Variants in VMP1 observed in about 807,000 individuals in gnomAD.
The protein encoded by VMP1 is ectopic P-granules autophagy protein 3 homolog.
VMP1 carries 11 observed loss-of-function variants against 56.0 expected under a neutral mutation model. The ratio of observed to expected loss-of-function variants is 0.20; its 90% CI spans 0.12 to 0.32. The LOEUF (loss-of-function observed/expected upper bound fraction) is 0.32, where lower values mean the gene tolerates loss of function less well. Ranked by LOEUF, VMP1 falls within the 10% of genes least tolerant of loss-of-function variation. The probability of loss-of-function intolerance (pLI) is 1.00; values close to 1 mark genes in which losing one functional copy is unlikely to be tolerated. For synonymous variants in VMP1, 149 were observed against 165.0 expected, an observed-to-expected ratio of 0.90 and a Z score of 0.74; for missense variants, 296 against 490.3, an observed-to-expected ratio of 0.60 and a Z score of 3.74.
At chr17:59,810,967 A>G (rs1341961343) in intron 8 of VMP1, among the ~76,000 whole-genome samples, 4 of 152,188 alleles carry the variant, frequency 2.6e-5, no homozygotes, top group African/African-American at 9.6e-5. Context: ...TGGGAAAGGT[A>G]TTTGTTGTGA....
intron 1 of VMP1, among the ~76,000 whole-genome samples, chr17:59,720,298 G>A (rs1472030629): frequency 2.6e-5 from 4 of 152,124 alleles, no homozygotes; most frequent in Admixed American, 2.6e-4. Context: ...TTAGCTATGT[G>A]GATAGACTAG....
chr17:59,770,013 T>G (rs1430536985), intron 6 of VMP1, among the ~76,000 whole-genome samples: 2 of 152,150 alleles, frequency 1.3e-5, no homozygotes, highest in African/African-American at 4.8e-5. Context: ...ATTTGCATAA[T>G]AAGAGAGTAC....
Position 59,788,131 on chromosome 17 carries a change from G to A in VMP1, c.714+14246G>A, listed in dbSNP as rs116791807. On this transcript the variant is annotated intron_variant, in intron 7 of 11. Coordinates refer to ENST00000262291, the MANE Select transcript of VMP1 (RefSeq NM_030938.5). Reference sequence around the variant, plus strand: ...CGAGGTTAATGCAGTCCAGTCATTAGCAGGGAAAAAAAGAATAAATATTTA... The same window carrying A: ...CGAGGTTAATGCAGTCCAGTCATTAACAGGGAAAAAAAGAATAAATATTTA... 2.5e-3 allele frequency among the ~76,000 whole-genome samples: 383 copies of A among 152,250 alleles called. 1 individual carries two copies. The highest frequency in any genetic ancestry group is 8.9e-3 in the African/African-American group (368 of 41,534).
At chr17:59,723,443 T>C (rs1482987163) in intron 1 of VMP1, among the ~76,000 whole-genome samples, 2 of 151,562 alleles carry the variant, frequency 1.3e-5, no homozygotes, top group Non-Finnish European at 2.9e-5. Flanking sequence ...AAATAGGGAG[T>C]GGATACTTGT....
In VMP1 at chr17:59,773,842, A is replaced by G. The variant is rs1272635928; in HGVS notation, c.671A>G (p.Tyr224Cys). 4 of 1,613,846 alleles carry G rather than the reference A, an allele frequency of 2.5e-6. No individual in the cohort carries two copies. The highest frequency in any genetic ancestry group is 1.7e-4 in the Middle Eastern group (1 of 6,058). Residue 224 changes from tyrosine to cysteine, a missense_variant, in exon 7 of 12, where the codon TAT becomes TGT. Tyr to Cys is a radical substitution (Grantham distance 194). Coordinates refer to ENST00000262291, the MANE Select transcript of VMP1 (RefSeq NM_030938.5). ...GGTGCTGAACCAGATGATGAAGAGT[A>G]TCAGGAATTTGAAGAGATGCTGGAA... is the stretch of plus-strand genomic sequence containing the variant. Reference protein sequence around the residue: ...LSGAEPDDEEYQEFEEMLEHA... With the variant: ...LSGAEPDDEECQEFEEMLEHA...
intron 5 of VMP1, among the ~76,000 whole-genome samples, chr17:59,757,773 C>T (rs1322256348): frequency 6.7e-6 from 1 of 149,476 alleles, no homozygotes. Flanking sequence ...CAATATGTTG[C>T]AAATAACCAA....
chr17:59,763,228 A>G (rs1439529234), intron 5 of VMP1, among the ~76,000 whole-genome samples: 1 of 152,012 alleles, frequency 6.6e-6, no homozygotes, highest in Non-Finnish European at 1.5e-5. Context: ...GTTATTCTGA[A>G]TATCACAAAC....
intron 5 of VMP1, among the ~76,000 whole-genome samples, chr17:59,752,417 G>A (rs767501097): frequency 2.4e-4 from 36 of 152,202 alleles, no homozygotes; most frequent in African/African-American, 6.0e-4. Flanking sequence ...AAGGATTTTT[G>A]TATGACATCT....
At chr17:59,837,159 G>A (rs1457782432) in intron 10 of VMP1, among the ~76,000 whole-genome samples, 1 of 151,674 alleles carries the variant, frequency 6.6e-6, no homozygotes, top group Non-Finnish European at 1.5e-5. Flanking sequence ...GCCGAGATCA[G>A]GCCATTGCAC....
chr17:59,788,231 G>A (rs1031097753), intron 7 of VMP1, among the ~76,000 whole-genome samples: 2 of 152,150 alleles, frequency 1.3e-5, no homozygotes, highest in East Asian at 1.9e-4. Flanking sequence ...GCTCAGGCCT[G>A]TAATCCCAGC....
chr17:59,711,281 CTT>C (rs942078372), intron 1 of VMP1, among the ~76,000 whole-genome samples: 1 of 150,448 alleles, frequency 6.6e-6, no homozygotes, highest in Non-Finnish European at 1.5e-5. Flanking sequence ...GTTGGGTACT[CTT>C]TTTTTTTGGT....
intron 7 of VMP1, among the ~76,000 whole-genome samples, chr17:59,787,151 C>T (rs560616657): frequency 1.3e-5 from 2 of 152,296 alleles, no homozygotes; most frequent in Non-Finnish European, 1.5e-5. Context: ...AGGTCACTTA[C>T]TTGCACTTTG....
At chr17:59,808,970 T>A in intron 8 of VMP1, 94 bp downstream of exon 8, 1 of 1,015,686 alleles carries the variant, frequency 9.8e-7, no homozygotes, top group Non-Finnish European at 1.4e-6. Flanking sequence ...TGCTATCACT[T>A]TTATTGGGTA....
intron 10 of VMP1, among the ~76,000 whole-genome samples, chr17:59,828,891 G>A (rs1426254819): frequency 6.6e-6 from 1 of 152,174 alleles, no homozygotes; most frequent in Non-Finnish European, 1.5e-5. Flanking sequence ...CAAGGCAGGC[G>A]GATCACTTAA....
intron 6 of VMP1, among the ~76,000 whole-genome samples, chr17:59,768,688 A>T (rs1363975212): frequency 6.6e-6 from 1 of 151,878 alleles, no homozygotes; most frequent in African/African-American, 2.4e-5. Flanking sequence ...TACACCATAT[A>T]TAAGAATTAA....
chr17:59,820,652 G>A (rs779557261), intron 10 of VMP1, among the ~76,000 whole-genome samples: 1 of 152,186 alleles, frequency 6.6e-6, no homozygotes, highest in Non-Finnish European at 1.5e-5. Flanking sequence ...TATGTTTGTA[G>A]GAGTGTGTGA....
chr17:59,759,286 A>T (rs1307802469), intron 5 of VMP1, among the ~76,000 whole-genome samples: 4 of 151,994 alleles, frequency 2.6e-5, no homozygotes, highest in Admixed American at 6.6e-5. Flanking sequence ...AGGCAGGAGA[A>T]TTGCTTGAAC....
At chr17:59,819,491 C>A (rs1355772456) in intron 10 of VMP1, among the ~76,000 whole-genome samples, 1 of 151,984 alleles carries the variant, frequency 6.6e-6, no homozygotes, top group Non-Finnish European at 1.5e-5. Flanking sequence ...GACAGAGTCT[C>A]GCTCCAGGCT....
At chr17:59,833,556 T>G (rs562398603) in intron 10 of VMP1, among the ~76,000 whole-genome samples, 1 of 152,312 alleles carries the variant, frequency 6.6e-6, no homozygotes, top group Admixed American at 6.5e-5. Context: ...TGTTTTCAAC[T>G]GTTTTCCTAG....
Sources: allele counts gnomAD v4.1 joint callset (sites outside exome capture counted in the v4.1 genomes callset), GRCh38; gene constraint gnomAD v4.1.1; transcripts MANE v1.5; gene names NCBI Gene and HGNC (gene_info 2026-07-23, HGNC 2026-07-21).